Variants in RNF114 observed in about 807,000 individuals in gnomAD.
RNF114 encodes the protein ring finger protein 114, also known as E3 ubiquitin-protein ligase RNF114.
A neutral mutation model predicts 28.4 loss-of-function variants in RNF114; 6 were observed. The observed-to-expected ratio is 0.21, with a 90% CI of 0.12 to 0.42. The LOEUF is 0.42. RNF114 is among the 10% of genes least tolerant of loss of function. RNF114 has a pLI of 1.00. For missense variants in RNF114, 249 were observed against 311.7 expected (o/e 0.80, Z 1.51); for synonymous variants, 115 against 116.7 (o/e 0.99, Z 0.09).
At chr20:49,936,920 C>T (rs1035598982) in intron 1 of RNF114, among the ~76,000 whole-genome samples, 1 of 152,168 alleles carries the variant, frequency 6.6e-6, no homozygotes, top group Non-Finnish European at 1.5e-5. Flanking sequence ...GTCCACGTCG[C>T]TCTTAAAGCA....
chr20:49,940,442 G>A (rs1399269382), intron 1 of RNF114, among the ~76,000 whole-genome samples: 3 of 147,514 alleles, frequency 2.0e-5, no homozygotes, highest in Admixed American at 6.9e-5. Context: ...ACGGAGTCTC[G>A]CTCTGTCTCC....
intron 4 of RNF114, among the ~76,000 whole-genome samples, chr20:49,947,166 A>G (rs969246865): frequency 1.6e-4 from 22 of 141,782 alleles, no homozygotes; most frequent in Non-Finnish European, 3.0e-4. Context: ...GTTGCAGTGA[A>G]CTGAGATCCT....
chr20:49,953,449 T>C lies in RNF114; in HGVS notation c.*1308T>C, dbSNP rs1218378735. 2 of 152,208 alleles carry C rather than the reference T, an allele frequency of 1.3e-5. No individual in the cohort carries two copies. Among genetic ancestry groups the C allele is most frequent in the African/African-American group, 4.8e-5 (2 of 41,460 alleles). 9.4% of individuals were successfully genotyped at this position (152,208 alleles called of 1,614,324 possible). On this transcript the variant is annotated 3_prime_UTR_variant, in exon 6 of 6. Transcript: ENST00000244061. ...TAGGTTGGTTTTTTGATGTCATATG[T>C]CTCTGATGGGGCTGCAAGTGCTACC... is the stretch of plus-strand genomic sequence containing the variant.
Position 49,936,502 on chromosome 20 carries a change from C to G in RNF114, c.90C>G (p.Pro30=). 2 of 1,577,158 alleles carry G rather than the reference C, an allele frequency of 1.3e-6. No individual in the cohort carries two copies. Among genetic ancestry groups the G allele is most frequent in the Non-Finnish European group, 1.7e-6 (2 of 1,162,948 alleles). The change falls in exon 1 of 6, where the codon CCC becomes CCG. Residue 30 remains proline, a synonymous_variant. Transcript: ENST00000244061. ...EADPLGRFTC[P]VCLEVYEKPV... is the part of the protein sequence containing the mutation. ...ACCCCCTAGGACGCTTCACGTGTCC[C>G]GTGTGCTTAGAGGTGTACGAGAAGC...
At chr20:49,950,682 CA>C (rs11429510) in intron 5 of RNF114, among the ~76,000 whole-genome samples, 3,376 of 90,464 alleles carry the variant, frequency 0.037, 47 homozygotes, top group Middle Eastern at 0.083. Flanking sequence ...GACCCTGTCT[CA>C]AAAAAAAAAA....
Position 49,953,170 on chromosome 20 carries a change from C to T in RNF114, c.*1029C>T, listed in dbSNP as rs1338341894. The T allele has an allele frequency of 6.6e-6, 1 of 152,086 alleles. No homozygotes were observed. Among genetic ancestry groups the T allele is most frequent in the Non-Finnish European group, 1.5e-5 (1 of 68,036 alleles). The allele number at this position is 152,086 out of a possible 1,614,324, so 9.4% of individuals were successfully genotyped here. A position where few individuals can be genotyped will look rare whatever the true frequency, so the allele number is the denominator to read the frequency against. On this transcript the variant is annotated 3_prime_UTR_variant, in exon 6 of 6. Transcript: ENST00000244061. ...CATGTAAAATGTGTTTGAAAACCTG[C>T]TTTGTAGATGCAGAGAGAAGCTATA... is the stretch of plus-strand genomic sequence containing the variant.
rs774708503 is a variant in RNF114 at position 49,936,444 on chromosome 20, C to T, written c.32C>T (p.Ala11Val). The T allele has an allele frequency of 6.1e-5, 95 of 1,545,764 alleles. No individual in the cohort carries two copies. The highest frequency in any genetic ancestry group is 7.8e-5 in the Non-Finnish European group (89 of 1,146,898). ...GCGCAACAGCGGGACTGCGGGGGTG[C>T]TGCGCAGCTGGCGGGGCCGGCGGCG... MAAQQRDCGG[A>V]AQLAGPAAEA... Residue 11 changes from alanine (A) to valine (V), a missense_variant, in exon 1 of 6, where the codon GCT becomes GTT. Coordinates refer to ENST00000244061, the MANE Select transcript of RNF114 (RefSeq NM_018683.4).
chr20:49,945,469 G>A lies in RNF114; in HGVS notation c.379G>A (p.Asp127Asn), dbSNP rs2090326583. The change falls in exon 3 of 6, where the codon GAT (aspartate) becomes AAT (asparagine). Residue 127 changes from aspartate (D) to asparagine (N), a missense_variant. Asp to Asn is a conservative substitution (Grantham distance 23). Transcript: ENST00000244061. Reference sequence around the variant, plus strand: ...GGAAGGTGTGAAGGCCACCATTAAGGATGCATCTCTTCAGCCAAGGTAAAT... The same window carrying A: ...GGAAGGTGTGAAGGCCACCATTAAGAATGCATCTCTTCAGCCAAGGTAAAT... ...IMEGVKATIK[D>N]ASLQPRNVPN... The A allele has an allele frequency of 6.2e-7, 1 of 1,607,694 alleles. No homozygotes were observed. The highest frequency in any genetic ancestry group is 8.5e-7 in the Non-Finnish European group (1 of 1,174,318).
intron 1 of RNF114, among the ~76,000 whole-genome samples, chr20:49,937,061 T>G (rs1027734827): frequency 6.6e-6 from 1 of 152,152 alleles, no homozygotes; most frequent in Non-Finnish European, 1.5e-5. Context: ...TGCCCTTAGC[T>G]GTGAAAGGGG....
chr20:49,936,587 T>C, intron 1 of RNF114, 35 bp downstream of exon 1: 1 of 1,571,244 alleles, frequency 6.4e-7, no homozygotes, highest in Middle Eastern at 1.8e-4. Flanking sequence ...CGGGGGGCGC[T>C]TAACTGGGAA....
chr20:49,940,781 G>A (rs551444830), intron 1 of RNF114, among the ~76,000 whole-genome samples: 1 of 150,966 alleles, frequency 6.6e-6, no homozygotes, highest in African/African-American at 2.4e-5. Context: ...CCCCCCTTGA[G>A]ACAGAGTCGC....
At chr20:49,947,677 T>G (rs1424743612) in intron 4 of RNF114, among the ~76,000 whole-genome samples, 1 of 151,820 alleles carries the variant, frequency 6.6e-6, no homozygotes, top group Non-Finnish European at 1.5e-5. Context: ...TTCCCCTCCT[T>G]TGGCTTCTGA....
At chr20:49,941,970 A>G in intron 2 of RNF114, 1 of 434,246 alleles carries the variant, frequency 2.3e-6, no homozygotes, top group South Asian at 3.3e-5. Context: ...TTTTCCTATA[A>G]AAGATCAATT....
chr20:49,939,134 C>T (rs1204744779), intron 1 of RNF114, among the ~76,000 whole-genome samples: 1 of 152,228 alleles, frequency 6.6e-6, no homozygotes, highest in Non-Finnish European at 1.5e-5. Flanking sequence ...ATGCCAACTC[C>T]TCAGAAGCAG....
chr20:49,945,324 T>TA (rs758584726), intron 2 of RNF114, 58 bp from the exon 3 acceptor site: 2 of 1,047,958 alleles, frequency 1.9e-6, no homozygotes. Context: ...TTTGGGACTA[T>TA]ATTTTGCCTG....
At position 49,936,433 on chromosome 20, in the gene RNF114, C is replaced by G. The variant is rs940419244; in HGVS notation, c.21C>G (p.Asp7Glu). 13 of 1,535,214 alleles carry G rather than the reference C, an allele frequency of 8.5e-6. No homozygotes were observed. The highest frequency in any genetic ancestry group is 2.6e-5 in the East Asian group (1 of 38,126). Residue 7 changes from aspartate to glutamate, a missense_variant, in exon 1 of 6, where the codon GAC becomes GAG. Physicochemically the swap from Asp to Glu is conservative, Grantham distance 45. Coordinates refer to ENST00000244061, the MANE Select transcript of RNF114 (RefSeq NM_018683.4). The part of the protein sequence containing the change: MAAQQR[D>E]CGGAAQLAGP... ...GCAAGATGGCGGCGCAACAGCGGGA[C>G]TGCGGGGGTGCTGCGCAGCTGGCGG...
intron 4 of RNF114, among the ~76,000 whole-genome samples, 173 bp from the exon 5 acceptor site, chr20:49,949,075 G>C (rs1381291913): frequency 2.0e-5 from 3 of 152,190 alleles, no homozygotes; most frequent in Non-Finnish European, 4.4e-5. Context: ...TTTGACTTGA[G>C]CTGGAAATTT....
chr20:49,944,227 C>T (rs2090319987), intron 2 of RNF114: 1 of 152,044 alleles, frequency 6.6e-6, no homozygotes, highest in South Asian at 2.1e-4. Flanking sequence ...TGTCACCACG[C>T]CTGCCTAATT....
chr20:49,949,976 G>A (rs1275083813), intron 5 of RNF114, among the ~76,000 whole-genome samples: 1 of 150,928 alleles, frequency 6.6e-6, no homozygotes, highest in African/African-American at 2.4e-5. Flanking sequence ...TCTGGGCTGG[G>A]CGCAGTGGCT....
Sources: gnomAD v4.1 joint callset for allele counts (sites outside exome capture counted in the v4.1 genomes callset) on GRCh38, gnomAD v4.1.1 for gene constraint, MANE v1.5 for transcripts, NCBI Gene and HGNC (gene_info 2026-07-23, HGNC 2026-07-21) for gene names.